The following SH3TC1 variants were observed in gnomAD, a reference collection of about 807,000 sequenced individuals.
The protein encoded by SH3TC1 is SH3 domain and tetratricopeptide repeats 1, also known as SH3 domain and tetratricopeptide repeat-containing protein 1.
SH3TC1 carries 135 observed loss-of-function variants against 117.3 expected under a neutral mutation model. That is an observed-to-expected ratio of 1.15 (90% confidence interval 1.00 to 1.33). The LOEUF (loss-of-function observed/expected upper bound fraction) is 1.33, where lower values mean the gene tolerates loss of function less well. SH3TC1 is among the 40% of genes most tolerant of loss of function. The probability of loss-of-function intolerance (pLI) is 0.00; values close to 1 mark genes in which losing one functional copy is unlikely to be tolerated. For missense variants in SH3TC1, 2,092 were observed against 1,794.3 expected (o/e 1.17, Z -3.00); for synonymous variants, 898 against 816.9 (o/e 1.10, Z -1.69).
rs764326113 is a variant in SH3TC1, at chr4:8,210,241, C to A, written c.247+419C>A. 1.1e-4 allele frequency among the ~76,000 whole-genome samples: 16 copies of A among 152,164 alleles called. No individual in the cohort carries two copies. Among genetic ancestry groups the A allele is most frequent in the Non-Finnish European group, 1.6e-4 (11 of 68,000 alleles). ...AGGGAGGCAGCCCTGGGCCGGGGAGCAGAGCCCACAAAGGGGGCCCAGGAA... is the reference window on the plus strand; with the variant it reads ...AGGGAGGCAGCCCTGGGCCGGGGAGAAGAGCCCACAAAGGGGGCCCAGGAA... On this transcript the variant is annotated intron_variant, in intron 3 of 17. Coordinates refer to ENST00000245105, the MANE Select transcript of SH3TC1 (RefSeq NM_018986.5). The surrounding 1 kb of genome is among the most constrained non-coding windows in gnomAD (Gnocchi z 4.1).
intron 2 of SH3TC1, among the ~76,000 whole-genome samples, chr4:8,207,862 T>C (rs779339847): frequency 4.6e-5 from 7 of 152,128 alleles, no homozygotes; most frequent in Non-Finnish European, 1.0e-4. Context: ...GCTTTTCAAC[T>C]GGAGGATGGT....
chr4:8,222,361 GTTTTTTTTTTTTTTTT>G (rs5856006), intron 9 of SH3TC1, among the ~76,000 whole-genome samples: 27 of 40,320 alleles, frequency 6.7e-4, no homozygotes, highest in African/African-American at 2.7e-3. Flanking sequence ...TCAGGATCTG[GTTTTTTTTTTTTTTTT>G]TTTTTTTTTT....
rs1298878 is a variant in SH3TC1 at position 8,205,427 on chromosome 4, C to G, written c.172+61C>G. 1 of 1,533,366 alleles carries G rather than the reference C, an allele frequency of 6.5e-7. No individual in the cohort carries two copies. The highest frequency in any genetic ancestry group is 1.4e-5 in the African/African-American group (1 of 72,950). 95.0% of individuals were successfully genotyped at this position (1,533,366 alleles called of 1,614,324 possible). ...CCCACCCACTTCTCCACCCCACCCG[C>G]CCCGTCCATCCATCCCTCACCACCC... On this transcript the variant is annotated intron_variant, in intron 2 of 17. Transcript: ENST00000245105. This position sits in a 1 kb window ranked among gnomAD's most constrained non-coding sequence, Gnocchi z 5.4.
rs1013775309 is a variant in SH3TC1 at position 8,204,862 on chromosome 4, G to A, written c.-28-305G>A. On this transcript the variant is annotated intron_variant, in intron 1 of 17. Transcript: ENST00000245105. ...GAGGCAGTGACCGGCTCCTGAGGAG[G>A]GGCACAAGGCACCCAGGGGTTCTGC... 1.3e-5 allele frequency: 3 copies of A among 235,836 alleles called. No homozygotes were observed. The Admixed American group carries it at 1.7e-4, about 13-fold the overall frequency. 14.6% of individuals were successfully genotyped at this position (235,836 alleles called of 1,614,324 possible). A position where few individuals can be genotyped will look rare whatever the true frequency, so the allele number is the denominator to read the frequency against.
At position 8,232,173 on chromosome 4, in the gene SH3TC1, T is replaced by A; in HGVS notation, c.3131+17T>A. ...CACCGAGCGGTGAGGGCTGGCTCTG[T>A]GGTGGTGGGGGCGGGGGGAGGGGGC... On this transcript the variant is annotated intron_variant, in intron 13 of 17. Transcript: ENST00000245105. 2 of 264,056 alleles carry A rather than the reference T, an allele frequency of 7.6e-6. No homozygotes were observed. Among genetic ancestry groups the A allele is most frequent in the South Asian group, 1.0e-4 (2 of 19,322 alleles). 16.4% of individuals were successfully genotyped at this position (264,056 alleles called of 1,614,324 possible).
Position 8,228,385 on chromosome 4 carries a change from C to A in SH3TC1, c.2691C>A (p.Gly897=). 6.2e-7 allele frequency: 1 copy of A among 1,610,618 alleles called. No homozygotes were observed. The highest frequency in any genetic ancestry group is 8.5e-7 in the Non-Finnish European group (1 of 1,179,028). Residue 897 remains glycine, a synonymous_variant, in exon 12 of 18, where the codon GGC becomes GGA. Coordinates refer to ENST00000245105, the MANE Select transcript of SH3TC1 (RefSeq NM_018986.5). ...YRALRVARDL[G]QQRNQAVGLA... is the part of the protein sequence containing the mutation. ...CCCTGCGGGTGGCTCGGGACCTGGG[C>A]CAGCAAAGGAACCAGGCAGTGGGGC...
rs1282611875 is a variant in SH3TC1, at chr4:8,205,135, A to G, written c.-28-32A>G. 2 of 1,436,684 alleles carry G rather than the reference A, an allele frequency of 1.4e-6. No individual in the cohort carries two copies. The allele number at this position is 1,436,684 out of a possible 1,614,324, so 89.0% of individuals were successfully genotyped here. A position where few individuals can be genotyped will look rare whatever the true frequency, so the allele number is the denominator to read the frequency against. Reference sequence around the variant, plus strand: ...CCTCCGTGCTGGTTCTGGAGGGGCCACCTCTCCTGACCACACCCCCTCTGT... The same window carrying G: ...CCTCCGTGCTGGTTCTGGAGGGGCCGCCTCTCCTGACCACACCCCCTCTGT... On this transcript the variant is annotated intron_variant, in intron 1 of 17. Coordinates refer to ENST00000245105, the MANE Select transcript of SH3TC1 (RefSeq NM_018986.5). The surrounding 1 kb of genome is among the most constrained non-coding windows in gnomAD (Gnocchi z 5.4).
chr4:8,229,418 T>C (rs1358226137), intron 12 of SH3TC1, among the ~76,000 whole-genome samples: 2 of 98,794 alleles, frequency 2.0e-5, no homozygotes, highest in Admixed American at 2.3e-4. Flanking sequence ...TAGGGGTGAG[T>C]GAGTGGGGGT....
Position 8,237,508 on chromosome 4 carries a change from GCTGGCCGCCCTGCAACACCGA to G in SH3TC1, c.3596_3616del (p.Ala1199_Leu1205del). 6.2e-7 allele frequency: 1 copy of G among 1,602,726 alleles called. No homozygotes were observed. The highest frequency in any genetic ancestry group is 8.5e-7 in the Non-Finnish European group (1 of 1,175,250). On this transcript the variant is annotated inframe_deletion, in exon 17 of 18. Coordinates refer to ENST00000245105, the MANE Select transcript of SH3TC1 (RefSeq NM_018986.5). Reference sequence around the variant, plus strand: ...TGAACGAGCGCGTGGCCTACCACCGGCTGGCCGCCCTGCAACACCGACTGGGCCATGGCGAGCTGGCAGAGC... The same window carrying G: ...TGAACGAGCGCGTGGCCTACCACCGGCTGGGCCATGGCGAGCTGGCAGAGC...
chr4:8,234,319 AATCC>A (rs1423940897), intron 14 of SH3TC1, among the ~76,000 whole-genome samples: 15 of 148,504 alleles, frequency 1.0e-4, no homozygotes, highest in African/African-American at 3.5e-4. Flanking sequence ...TCTACCCATT[AATCC>A]ATCCCTCCAT....
chr4:8,212,847 C>T lies in SH3TC1; in HGVS notation c.375+19C>T. 2 of 1,543,496 alleles carry T rather than the reference C, an allele frequency of 1.3e-6. No homozygotes were observed. The highest frequency in any genetic ancestry group is 1.8e-6 in the Non-Finnish European group (2 of 1,142,612). ...GCTTGGGGTGAGTAGCCCTCTGGGG[C>T]CTGCTCAGGGATGGGAGCTGGAGTC... On this transcript the variant is annotated intron_variant, in intron 4 of 17. Transcript: ENST00000245105.
chr4:8,225,201 C>A lies in SH3TC1; in HGVS notation c.1270C>A (p.Gln424Lys). ...LDSVEEAETE[Q>K]PQEKEIPPPC... Reference sequence around the variant, plus strand: ...CTCAGTAGAGGAAGCTGAGACCGAGCAGCCGCAGGAAAAAGGTGGGTTTTG... The same window carrying A: ...CTCAGTAGAGGAAGCTGAGACCGAGAAGCCGCAGGAAAAAGGTGGGTTTTG... The change falls in exon 11 of 18, where the codon CAG (glutamine) becomes AAG (lysine). Residue 424 changes from glutamine to lysine, a missense_variant. Physicochemically the swap from Gln to Lys is moderately conservative, Grantham distance 53 (BLOSUM62 1). Transcript: ENST00000245105. The surrounding 1 kb of genome is among the most constrained non-coding windows in gnomAD (Gnocchi z 5.5). The A allele has an allele frequency of 6.2e-7, 1 of 1,613,882 alleles. No homozygotes were observed. The highest frequency in any genetic ancestry group is 8.5e-7 in the Non-Finnish European group (1 of 1,179,924).
rs1427301646 is a variant in SH3TC1 at position 8,206,868 on chromosome 4, T to A, written c.172+1502T>A. Among the ~76,000 whole-genome samples, 5 of 150,202 alleles carry A rather than the reference T, an allele frequency of 3.3e-5. No individual in the cohort carries two copies. Among genetic ancestry groups the A allele is most frequent in the Admixed American group, 1.3e-4 (2 of 15,134 alleles). Reference sequence around the variant, plus strand: ...GTGTGTGTGTGTGTGTGTGTGTGTGTGATTTTCTTCTGATCCTTTTGGGAG... The same window carrying A: ...GTGTGTGTGTGTGTGTGTGTGTGTGAGATTTTCTTCTGATCCTTTTGGGAG... On this transcript the variant is annotated intron_variant, in intron 2 of 17. Coordinates refer to ENST00000245105, the MANE Select transcript of SH3TC1 (RefSeq NM_018986.5). The surrounding 1 kb of genome is among the most constrained non-coding windows in gnomAD (Gnocchi z 5.5).
At chr4:8,194,013 G>A (rs1205274792) in intron 1 of SH3TC1, among the ~76,000 whole-genome samples, 2 of 152,214 alleles carry the variant, frequency 1.3e-5, no homozygotes, top group African/African-American at 2.4e-5. Flanking sequence ...GCCACCACCC[G>A]TGCGGGAGGT....
rs1720572631 is a variant in SH3TC1 at position 8,227,366 on chromosome 4, G to A, written c.1672G>A (p.Ala558Thr). Residue 558 changes from alanine (A) to threonine (T), a missense_variant, in exon 12 of 18, where the codon GCC (alanine) becomes ACC (threonine). Physicochemically the swap from Ala to Thr is moderately conservative, Grantham distance 58. Coordinates refer to ENST00000245105, the MANE Select transcript of SH3TC1 (RefSeq NM_018986.5). ...GAAKKAGLLM[A>T]LARLCFLLGR... ...GGCCAAGAAAGCTGGCCTCCTCATG[G>A]CCCTGGCCAGGCTCTGCTTCCTCCT... 4 of 1,575,406 alleles carry A rather than the reference G, an allele frequency of 2.5e-6. No homozygotes were observed. The East Asian group carries it at 6.7e-5, about 27-fold the overall frequency.
rs1206686382 is a variant in SH3TC1 at position 8,205,192 on chromosome 4, G to T, written c.-3G>T. 1 of 1,523,902 alleles carries T rather than the reference G, an allele frequency of 6.6e-7. No individual in the cohort carries two copies. Among genetic ancestry groups the T allele is most frequent in the Admixed American group, 2.2e-5 (1 of 46,288 alleles). The allele number at this position is 1,523,902 out of a possible 1,614,324, so 94.4% of individuals were successfully genotyped here. A position where few individuals can be genotyped will look rare whatever the true frequency, so the allele number is the denominator to read the frequency against. ...GGCCAGGCATGTGAGGTCTCTGCGGGTCATGGAGAACCTCCCTGCCGTGAC... is the reference window on the plus strand; with the variant it reads ...GGCCAGGCATGTGAGGTCTCTGCGGTTCATGGAGAACCTCCCTGCCGTGAC... On this transcript the variant is annotated 5_prime_UTR_variant, in exon 2 of 18. Coordinates refer to ENST00000245105, the MANE Select transcript of SH3TC1 (RefSeq NM_018986.5). This position sits in a 1 kb window ranked among gnomAD's most constrained non-coding sequence, Gnocchi z 5.4.
In SH3TC1 at chr4:8,227,744, G is replaced by T; in HGVS notation, c.2050G>T (p.Ala684Ser). Residue 684 changes from alanine to serine, a missense_variant, in exon 12 of 18, where the codon GCC becomes TCC. Coordinates refer to ENST00000245105, the MANE Select transcript of SH3TC1 (RefSeq NM_018986.5). ...HHVHLKQPEE[A>S]LPFLERLLLL... ...CGTGCACCTCAAGCAGCCCGAGGAG[G>T]CCCTGCCCTTCCTAGAGCGGCTGCT... The T allele has an allele frequency of 6.2e-7, 1 of 1,608,710 alleles. No homozygotes were observed.
intron 10 of SH3TC1, 35 bp downstream of exon 10, chr4:8,223,005 C>T: frequency 6.3e-7 from 1 of 1,593,046 alleles, no homozygotes; most frequent in Non-Finnish European, 8.6e-7. Context: ...GGGGCCACTG[C>T]CCTCCCCTTT....
At chr4:8,217,228 G>A in intron 7 of SH3TC1, 61 bp downstream of exon 7, 1 of 1,542,236 alleles carries the variant, frequency 6.5e-7, no homozygotes, top group Non-Finnish European at 8.8e-7. Context: ...CCAGGCCCGG[G>A]TCATCTGGAG....
Sources: allele counts gnomAD v4.1 joint callset (sites outside exome capture counted in the v4.1 genomes callset), GRCh38; gene constraint gnomAD v4.1.1; non-coding constraint Gnocchi (gnomAD v3.1); transcripts MANE v1.5; gene names NCBI Gene and HGNC (gene_info 2026-07-23, HGNC 2026-07-21).